Variants in LINGO2 observed in about 807,000 individuals in gnomAD.
LINGO2 encodes leucine-rich repeat and immunoglobulin-like domain-containing nogo receptor-interacting protein 2.
In LINGO2, 14 loss-of-function variants were observed where a neutral mutation model predicts 30.6. The ratio of observed to expected loss-of-function variants is 0.46; its 90% CI spans 0.30 to 0.72. The LOEUF (loss-of-function observed/expected upper bound fraction) is 0.72. Ranked by LOEUF, LINGO2 falls within the 30% of genes least tolerant of loss-of-function variation. LINGO2 has a pLI of 0.07. For missense variants in LINGO2, 729 were observed against 751.7 expected, an observed-to-expected ratio of 0.97 and a Z score of 0.35; for synonymous variants, 317 against 288.5, an observed-to-expected ratio of 1.10 and a Z score of -1.00.
the LINGO2 span, among the ~76,000 whole-genome samples, chr9:29,098,913 G>C: frequency 3.9e-5 from 6 of 152,066 alleles, no homozygotes; most frequent in Non-Finnish European, 8.8e-5. Context: ...AAAAGACCCA[G>C]AATAGCCAAA....
chr9:29,146,808 C>T, the LINGO2 span, among the ~76,000 whole-genome samples: 1 of 152,102 alleles, frequency 6.6e-6, no homozygotes. Flanking sequence ...AACTTGGACT[C>T]TCCAGAAATA....
At chr9:28,801,706 G>T in the LINGO2 span, among the ~76,000 whole-genome samples, 6,519 of 151,980 alleles carry the variant, frequency 0.043, 181 homozygotes, top group Non-Finnish European at 0.067. Context: ...CAAATCATTT[G>T]CTCAGTTAAT....
At chr9:28,142,286 C>T (rs572679658) in intron 4 of LINGO2, among the ~76,000 whole-genome samples, 10 of 151,264 alleles carry the variant, frequency 6.6e-5, no homozygotes, top group African/African-American at 1.7e-4. Flanking sequence ...ATAAAACCAA[C>T]ACACGAAATT....
At chr9:28,054,664 G>A (rs1475028741) in intron 4 of LINGO2, among the ~76,000 whole-genome samples, 1 of 151,912 alleles carries the variant, frequency 6.6e-6, no homozygotes, top group Non-Finnish European at 1.5e-5. Context: ...TTTGTCTTTT[G>A]GTCAACAGTT....
the LINGO2 span, among the ~76,000 whole-genome samples, chr9:28,877,133 T>A: frequency 2.6e-5 from 4 of 151,872 alleles, no homozygotes; most frequent in Non-Finnish European, 4.4e-5. Context: ...TTGAGTTCAT[T>A]TTAGATTCTG....
At chr9:28,200,793 A>T (rs1820202595) in intron 4 of LINGO2, among the ~76,000 whole-genome samples, 2 of 152,356 alleles carry the variant, frequency 1.3e-5, no homozygotes, top group Non-Finnish European at 1.5e-5. Context: ...GCATTTTTAA[A>T]GTCCAGTGAT....
rs1449847753 is a variant in LINGO2 at position 27,975,828 on chromosome 9, C to T, written c.-35-25122G>A. Among the ~76,000 whole-genome samples, 4 of 152,200 alleles carry T rather than the reference C, an allele frequency of 2.6e-5. No homozygotes were observed. The East Asian group carries it at 5.8e-4, about 22-fold the overall frequency. On this transcript the variant is annotated intron_variant, in intron 5 of 5. Coordinates refer to ENST00000379992, the Ensembl canonical transcript of LINGO2. Reference sequence around the variant, plus strand: ...TGAAATCTGACACAAATTTTATTGTCTTCAAAAGATTTCCATTTTAAAAAG... The same window carrying T: ...TGAAATCTGACACAAATTTTATTGTTTTCAAAAGATTTCCATTTTAAAAAG...
intron 1 of LINGO2, among the ~76,000 whole-genome samples, chr9:28,578,829 T>C (rs1017951025): frequency 6.6e-6 from 1 of 152,142 alleles, no homozygotes; most frequent in African/African-American, 2.4e-5. Context: ...GAAAAATATG[T>C]ATAAATTCAT....
intron 1 of LINGO2, among the ~76,000 whole-genome samples, chr9:28,626,545 G>A (rs1438879014): frequency 4.0e-5 from 6 of 151,856 alleles, no homozygotes; most frequent in African/African-American, 1.5e-4. Flanking sequence ...TAAAGTTTGA[G>A]GTTCATTCTT....
intron 4 of LINGO2, among the ~76,000 whole-genome samples, chr9:28,144,783 A>G (rs1827768524): frequency 6.6e-6 from 1 of 152,190 alleles, no homozygotes; most frequent in Admixed American, 6.5e-5. Flanking sequence ...CAAAATAACA[A>G]AGACTAATTG....
the LINGO2 span, among the ~76,000 whole-genome samples, chr9:28,756,693 G>C: frequency 6.6e-6 from 1 of 151,914 alleles, no homozygotes; most frequent in Admixed American, 6.5e-5. Flanking sequence ...GTGATAGTGA[G>C]TGAGTTCTCA....
intron 2 of LINGO2, among the ~76,000 whole-genome samples, chr9:28,446,055 A>G (rs947011342): frequency 1.3e-5 from 2 of 152,222 alleles, no homozygotes; most frequent in African/African-American, 4.8e-5. Context: ...AACATTATAG[A>G]GAAAATACAT....
chr9:28,438,537 G>A (rs144401813), intron 2 of LINGO2, among the ~76,000 whole-genome samples: 9 of 152,166 alleles, frequency 5.9e-5, no homozygotes, highest in Admixed American at 5.2e-4. Context: ...TTCTTGGTTC[G>A]TCAGTTTGCA....
chr9:28,067,770 C>T (rs533887173), intron 4 of LINGO2, among the ~76,000 whole-genome samples: 10 of 152,232 alleles, frequency 6.6e-5, no homozygotes, highest in African/African-American at 1.9e-4. Flanking sequence ...ATTTTATCAA[C>T]ATTTAATAAT....
At chr9:28,237,660 C>A (rs542253805) in intron 4 of LINGO2, among the ~76,000 whole-genome samples, 1 of 152,228 alleles carries the variant, frequency 6.6e-6, no homozygotes, top group Admixed American at 6.5e-5. Flanking sequence ...CAAGACCAGC[C>A]TGGCCAACGT....
At chr9:28,333,931 G>A (rs1159611431) in intron 3 of LINGO2, among the ~76,000 whole-genome samples, 1 of 152,106 alleles carries the variant, frequency 6.6e-6, no homozygotes, top group African/African-American at 2.4e-5. Flanking sequence ...TTGTCAGTCT[G>A]CTGTTTCATA....
rs543508876 is a variant in LINGO2, at chr9:28,446,042, T to A, written c.-279+29898A>T. Among the ~76,000 whole-genome samples, 26 of 152,350 alleles carry A rather than the reference T, an allele frequency of 1.7e-4. No homozygotes were observed. In the South Asian group the frequency reaches 5.4e-3, roughly 32 times the overall value. On this transcript the variant is annotated intron_variant, in intron 2 of 5. Transcript: ENST00000379992. ...TATTATTAAGCAAGACAGAGCAAGA[T>A]AGAACATTATAGAGAAAATACATTA...
chr9:29,019,284 T>A, the LINGO2 span, among the ~76,000 whole-genome samples: 840 of 152,272 alleles, frequency 5.5e-3, 11 homozygotes, highest in African/African-American at 0.019. Flanking sequence ...TGGTGTATGC[T>A]GTGAATGAAG....
At chr9:28,391,437 C>T (rs538461974) in intron 2 of LINGO2, among the ~76,000 whole-genome samples, 1 of 152,286 alleles carries the variant, frequency 6.6e-6, no homozygotes, top group South Asian at 2.1e-4. Flanking sequence ...TTCAAAACTT[C>T]AGTGCCTGGA....
Sources: allele counts gnomAD v4.1 joint callset (sites outside exome capture counted in the v4.1 genomes callset), GRCh38; gene constraint gnomAD v4.1.1; transcripts MANE v1.5; gene names NCBI Gene and HGNC (gene_info 2026-07-23, HGNC 2026-07-21).